KCNN3: variants seen among roughly 807,000 people sequenced by gnomAD.
The protein encoded by KCNN3 is potassium calcium-activated channel subfamily N member 3, also known as small conductance calcium-activated potassium channel protein 3.
In KCNN3, 16 loss-of-function variants were observed where a neutral mutation model predicts 62.9. The observed-to-expected ratio is 0.25, with a 90% CI of 0.17 to 0.39. The LOEUF is 0.39. Ranked by LOEUF, KCNN3 falls within the 10% of genes least tolerant of loss-of-function variation. KCNN3 has a pLI of 1.00. For synonymous variants in KCNN3, 370 were observed against 389.2 expected (o/e 0.95, Z 0.58); for missense variants, 599 against 949.4 (o/e 0.63, Z 4.85).
chr1:154,808,723 C>T (rs1009061519), intron 2 of KCNN3, among the ~76,000 whole-genome samples: 3 of 151,768 alleles, frequency 2.0e-5, no homozygotes, highest in Middle Eastern at 3.5e-3. Context: ...CCCACTCCCC[C>T]GCCTCCCATT....
intron 1 of KCNN3, among the ~76,000 whole-genome samples, 183 bp from the exon 2 acceptor site, chr1:154,822,367 C>A (rs542850997): frequency 1.3e-5 from 2 of 152,210 alleles, no homozygotes; most frequent in Non-Finnish European, 2.9e-5. Flanking sequence ...GTGCCCGGGC[C>A]GGCTCTGTCT....
intron 3 of KCNN3, among the ~76,000 whole-genome samples, chr1:154,766,596 A>G (rs1038891748): frequency 1.3e-5 from 2 of 149,276 alleles, no homozygotes; most frequent in African/African-American, 4.9e-5. Flanking sequence ...CTCAGCCTAC[A>G]GGGTTTAGCT....
chr1:154,793,556 A>G (rs960083609), intron 2 of KCNN3, among the ~76,000 whole-genome samples: 4 of 152,244 alleles, frequency 2.6e-5, no homozygotes, highest in Non-Finnish European at 5.9e-5. Flanking sequence ...GCAAACTGCA[A>G]AGTAGCAATA....
chr1:154,757,465 T>C (rs11804231), intron 3 of KCNN3, among the ~76,000 whole-genome samples: 75,186 of 151,942 alleles, frequency 0.49, 18,878 homozygotes, highest in Middle Eastern at 0.66. Flanking sequence ...ACAAGGCCCT[T>C]ACAATTGTAT....
At chr1:154,778,611 CTTT>C (rs11459390) in intron 2 of KCNN3, among the ~76,000 whole-genome samples, 2 of 73,602 alleles carry the variant, frequency 2.7e-5, no homozygotes, top group South Asian at 6.2e-4. Context: ...CTCTCTGTCT[CTTT>C]TTTTTTTTTT....
chr1:154,845,737 A>C (rs757342439), intron 1 of KCNN3, among the ~76,000 whole-genome samples: 4 of 152,140 alleles, frequency 2.6e-5, no homozygotes, highest in Non-Finnish European at 5.9e-5. Flanking sequence ...TCCCAAGGGC[A>C]CACGTCCTTC....
At chr1:154,768,253 T>C (rs1347063909) in intron 3 of KCNN3, among the ~76,000 whole-genome samples, 1 of 152,256 alleles carries the variant, frequency 6.6e-6, no homozygotes, top group African/African-American at 2.4e-5. Flanking sequence ...GTCCAGTCTC[T>C]GGCTGAATAA....
At chr1:154,768,724 C>T (rs1261337805) in intron 3 of KCNN3, among the ~76,000 whole-genome samples, 1 of 152,132 alleles carries the variant, frequency 6.6e-6, no homozygotes, top group South Asian at 2.1e-4. Flanking sequence ...CTGGAGGGGG[C>T]ATCTGTCCCC....
intron 2 of KCNN3, among the ~76,000 whole-genome samples, chr1:154,778,526 C>A (rs1648883669): frequency 6.6e-6 from 1 of 152,106 alleles, no homozygotes; most frequent in African/African-American, 2.4e-5. Context: ...TCCTCCCATC[C>A]CATTCACTTA....
At chr1:154,730,228 A>G (rs1277577668) in intron 4 of KCNN3, among the ~76,000 whole-genome samples, 1 of 152,268 alleles carries the variant, frequency 6.6e-6, no homozygotes, top group Non-Finnish European at 1.5e-5. Context: ...TCTCAAACAC[A>G]CCAGGTCTGT....
intron 3 of KCNN3, among the ~76,000 whole-genome samples, chr1:154,754,103 G>A (rs1404836862): frequency 6.6e-6 from 1 of 152,162 alleles, no homozygotes; most frequent in Non-Finnish European, 1.5e-5. Flanking sequence ...GTTTTATCAT[G>A]GGTTGACTGG....
At chr1:154,791,766 G>A (rs912583672) in intron 2 of KCNN3, among the ~76,000 whole-genome samples, 7 of 152,186 alleles carry the variant, frequency 4.6e-5, no homozygotes, top group African/African-American at 1.7e-4. Flanking sequence ...CTCCTCTGCT[G>A]CCAAATGAAT....
At chr1:154,860,845 T>C (rs1255367987) in intron 1 of KCNN3, among the ~76,000 whole-genome samples, 2 of 152,042 alleles carry the variant, frequency 1.3e-5, no homozygotes, top group Non-Finnish European at 2.9e-5. Context: ...GGCTCTGTGG[T>C]GGCTGCTGTG....
intron 2 of KCNN3, among the ~76,000 whole-genome samples, chr1:154,778,609 C>CT (rs1648888606): frequency 8.8e-6 from 1 of 113,896 alleles, no homozygotes; most frequent in African/African-American, 3.0e-5. Context: ...CTCTCTCTGT[C>CT]TCTTTTTTTT....
At chr1:154,811,566 A>G (rs949127113) in intron 2 of KCNN3, among the ~76,000 whole-genome samples, 2 of 152,158 alleles carry the variant, frequency 1.3e-5, no homozygotes, top group Admixed American at 6.5e-5. Context: ...ACAGGTTTGT[A>G]TGGGAGATGC....
chr1:154,808,634 T>G (rs1242759028), intron 2 of KCNN3, among the ~76,000 whole-genome samples: 1 of 152,098 alleles, frequency 6.6e-6, no homozygotes, highest in Non-Finnish European at 1.5e-5. Flanking sequence ...GCTGAATGAA[T>G]TAATCACCTT....
intron 2 of KCNN3, among the ~76,000 whole-genome samples, chr1:154,806,811 C>T (rs1474956892): frequency 6.6e-6 from 1 of 152,124 alleles, no homozygotes; most frequent in Non-Finnish European, 1.5e-5. Flanking sequence ...GTTGTAATTG[C>T]AGTTCTGTAT....
intron 1 of KCNN3, among the ~76,000 whole-genome samples, chr1:154,840,343 A>G (rs1248799284): frequency 1.3e-5 from 2 of 152,172 alleles, no homozygotes; most frequent in African/African-American, 4.8e-5. Context: ...TTGCAAAGGT[A>G]TGGTTGGTGG....
intron 6 of KCNN3, 123 bp downstream of exon 6, chr1:154,714,753 A>C (rs12134719): frequency 0.051 from 68,463 of 1,355,490 alleles, 1,980 homozygotes; most frequent in African/African-American, 0.079. Flanking sequence ...GATCAGACCC[A>C]GTTCACCACT....
Sources: gnomAD v4.1 joint callset for allele counts (sites outside exome capture counted in the v4.1 genomes callset) on GRCh38, gnomAD v4.1.1 for gene constraint, MANE v1.5 for transcripts, NCBI Gene and HGNC (gene_info 2026-07-23, HGNC 2026-07-21) for gene names.